The following ZC4H2 variants were observed in gnomAD, a reference collection of about 807,000 sequenced individuals.
The protein encoded by ZC4H2 is zinc finger C4H2 domain-containing protein.
For synonymous variants in ZC4H2, 84 were observed against 66.3 expected (o/e 1.27, Z -1.30); for missense variants, 137 against 173.9 (o/e 0.79, Z 1.19).
intron 1 of ZC4H2, among the ~76,000 whole-genome samples, chrX:64,947,816 C>T (rs1451440251): frequency 9.1e-6 from 1 of 110,495 alleles, no homozygotes; most frequent in Non-Finnish European, 1.9e-5. Context: ...GTTTCTGTAC[C>T]TCACTTCCAA....
chrX:64,954,661 C>T (rs1002761307), intron 1 of ZC4H2, among the ~76,000 whole-genome samples: 5 of 106,984 alleles, frequency 4.7e-5, no homozygotes, highest in African/African-American at 1.7e-4. Context: ...TTGAAAGGTC[C>T]CTGAAAATCA....
intron 1 of ZC4H2, among the ~76,000 whole-genome samples, chrX:64,994,473 T>G (rs1055500991): frequency 5.3e-4 from 60 of 112,306 alleles, no homozygotes; most frequent in Non-Finnish European, 8.8e-4. Flanking sequence ...TAGGATATTC[T>G]TAGGGATCCA....
intron 1 of ZC4H2, among the ~76,000 whole-genome samples, chrX:64,974,291 C>T (rs1324572391): frequency 9.0e-6 from 1 of 111,602 alleles, no homozygotes; most frequent in Non-Finnish European, 1.9e-5. Flanking sequence ...TTTGTTGAGA[C>T]TTTCTATTCA....
At chrX:64,961,093 A>C (rs1931371029) in intron 1 of ZC4H2, among the ~76,000 whole-genome samples, 1 of 110,978 alleles carries the variant, frequency 9.0e-6, no homozygotes. Flanking sequence ...TTCTACCATC[A>C]GTTTGTCAAT....
chrX:64,942,751 T>C (rs1413349373), intron 1 of ZC4H2, among the ~76,000 whole-genome samples: 2 of 112,067 alleles, frequency 1.8e-5, no homozygotes, highest in African/African-American at 3.2e-5. Context: ...TTGCATTGGT[T>C]CCAAGTTTTT....
intron 1 of ZC4H2, among the ~76,000 whole-genome samples, chrX:64,927,720 A>G (rs868618321): frequency 1.8e-5 from 2 of 112,495 alleles, no homozygotes; most frequent in African/African-American, 6.5e-5. Flanking sequence ...GTCTTCCACA[A>G]TGGTTGAACT....
At chrX:64,965,709 G>A (rs986963782) in intron 1 of ZC4H2, among the ~76,000 whole-genome samples, 7 of 110,552 alleles carry the variant, frequency 6.3e-5, no homozygotes, top group Non-Finnish European at 1.3e-4. Flanking sequence ...GCCATGGCGG[G>A]AGGATCGCTT....
At chrX:64,986,801 C>A (rs1932194389) in intron 1 of ZC4H2, among the ~76,000 whole-genome samples, 1 of 111,053 alleles carries the variant, frequency 9.0e-6, no homozygotes, top group African/African-American at 3.3e-5. Flanking sequence ...AAGAACAAGG[C>A]AGGAGCCTAA....
At chrX:65,025,090 T>C (rs1932866455) in intron 1 of ZC4H2, among the ~76,000 whole-genome samples, 1 of 110,622 alleles carries the variant, frequency 9.0e-6, no homozygotes, top group African/African-American at 3.3e-5. Context: ...ATATTTATTT[T>C]CTAAAAGCTT....
At chrX:65,012,168 C>T (rs748944899) in intron 1 of ZC4H2, among the ~76,000 whole-genome samples, 9 of 86,169 alleles carry the variant, frequency 1.0e-4, no homozygotes, top group South Asian at 7.9e-4. Flanking sequence ...GCAGAGGTTG[C>T]GGTGAACCGA....
intron 1 of ZC4H2, among the ~76,000 whole-genome samples, chrX:64,943,051 G>A (rs971256979): frequency 1.8e-5 from 2 of 111,758 alleles, no homozygotes; most frequent in Non-Finnish European, 3.8e-5. Flanking sequence ...TCTCATTGTG[G>A]TTTTGATATG....
chrX:64,924,252 G>A (rs1340612188), intron 1 of ZC4H2, among the ~76,000 whole-genome samples: 2 of 112,031 alleles, frequency 1.8e-5, no homozygotes, highest in Non-Finnish European at 3.8e-5. Flanking sequence ...TCCTGGTTCT[G>A]CCTCTGATTA....
chrX:64,996,198 TG>T (rs1285449101), intron 1 of ZC4H2, among the ~76,000 whole-genome samples: 10 of 111,917 alleles, frequency 8.9e-5, no homozygotes, highest in African/African-American at 3.3e-4. Flanking sequence ...ATTTTTTGTT[TG>T]TTTGTTTTAG....
At chrX:64,940,196 A>G (rs952417486) in intron 1 of ZC4H2, among the ~76,000 whole-genome samples, 1 of 111,996 alleles carries the variant, frequency 8.9e-6, no homozygotes, top group African/African-American at 3.2e-5. Context: ...TGTTGGCCAC[A>G]TAAATGTCTT....
At chrX:64,972,787 T>C (rs774809379) in intron 1 of ZC4H2, among the ~76,000 whole-genome samples, 158 of 111,809 alleles carry the variant, frequency 1.4e-3, no homozygotes, top group Non-Finnish European at 2.6e-3. Context: ...AAATGTTAGT[T>C]CCTTTCTTCA....
At chrX:64,924,726 A>G (rs1334255327) in intron 1 of ZC4H2, among the ~76,000 whole-genome samples, 1 of 111,106 alleles carries the variant, frequency 9.0e-6, no homozygotes, top group African/African-American at 3.3e-5. Context: ...AAAGAATAGC[A>G]TGAGTAATGG....
chrX:64,931,511 A>T (rs1428572175), intron 1 of ZC4H2, among the ~76,000 whole-genome samples: 1 of 111,481 alleles, frequency 9.0e-6, no homozygotes, highest in Middle Eastern at 4.2e-3. Flanking sequence ...TTGTCTTAGC[A>T]CCACTTTTGC....
chrX:64,934,936 T>C (rs1332077373), intron 1 of ZC4H2, among the ~76,000 whole-genome samples: 1 of 99,821 alleles, frequency 1.0e-5, no homozygotes, highest in Non-Finnish European at 2.0e-5. Context: ...AGCTGCAGGG[T>C]TTTTTTTTTT....
intron 1 of ZC4H2, among the ~76,000 whole-genome samples, chrX:64,937,379 G>A (rs947466570): frequency 6.3e-5 from 7 of 110,971 alleles, no homozygotes; most frequent in Admixed American, 3.9e-4. Flanking sequence ...ACAGATCAAC[G>A]AAAAAGAGAA....
Sources: gnomAD v4.1 joint callset for allele counts (sites outside exome capture counted in the v4.1 genomes callset) on GRCh38, gnomAD v4.1.1 for gene constraint, MANE v1.5 for transcripts, NCBI Gene and HGNC (gene_info 2026-07-23, HGNC 2026-07-21) for gene names.